The following SLC26A7 variants were observed in gnomAD, a reference collection of about 807,000 sequenced individuals.
SLC26A7 encodes anion exchange transporter.
A neutral mutation model predicts 82.5 loss-of-function variants in SLC26A7; 59 were observed. The ratio of observed to expected loss-of-function variants is 0.72; its 90% CI spans 0.58 to 0.89. The LOEUF (loss-of-function observed/expected upper bound fraction) is 0.89, where lower values mean the gene tolerates loss of function less well. SLC26A7 is among the 40% of genes least tolerant of loss of function. SLC26A7 has a pLI of 0.00. For synonymous variants in SLC26A7, 271 were observed against 274.3 expected (o/e 0.99, Z 0.12); for missense variants, 820 against 793.0 (o/e 1.03, Z -0.41).
intron 2 of SLC26A7, among the ~76,000 whole-genome samples, chr8:91,219,465 C>T (rs1810122720): frequency 6.6e-6 from 1 of 152,064 alleles, no homozygotes; most frequent in African/African-American, 2.4e-5. Flanking sequence ...GAGTAGAAGC[C>T]TGGAAACTCA....
intron 11 of SLC26A7, among the ~76,000 whole-genome samples, chr8:91,355,981 GA>G (rs1430240300): frequency 6.6e-6 from 1 of 151,896 alleles, no homozygotes; most frequent in African/African-American, 2.4e-5. Context: ...TACAGTGTTT[GA>G]TTTTTTTGTC....
At chr8:91,357,056 G>A (rs1364780153) in intron 11 of SLC26A7, among the ~76,000 whole-genome samples, 1 of 152,108 alleles carries the variant, frequency 6.6e-6, no homozygotes, top group Non-Finnish European at 1.5e-5. Flanking sequence ...TTACTTAGGA[G>A]GTCAGATTGT....
chr8:91,358,203 A>G (rs1813929875), intron 11 of SLC26A7, among the ~76,000 whole-genome samples: 1 of 152,158 alleles, frequency 6.6e-6, no homozygotes, highest in African/African-American at 2.4e-5. Flanking sequence ...ACCGTGTGGC[A>G]ATTCTTCAGG....
intron 2 of SLC26A7, among the ~76,000 whole-genome samples, chr8:91,235,370 C>T (rs1000752072): frequency 2.0e-5 from 3 of 152,022 alleles, no homozygotes; most frequent in South Asian, 4.2e-4. Context: ...CATTCTCACT[C>T]ATATTTAGGA....
chr8:91,346,375 G>A lies in SLC26A7; in HGVS notation c.1140+2909G>A, dbSNP rs184301434. 7.9e-5 allele frequency among the ~76,000 whole-genome samples: 12 copies of A among 152,220 alleles called. No individual in the cohort carries two copies. In the East Asian group the frequency reaches 2.1e-3, roughly 27 times the overall value. Reference sequence around the variant, plus strand: ...TCCGAGGAAGCACTATGTAAGCCAAGCCTTAAAAGTTTTGTTCTAAATAGG... The same window carrying A: ...TCCGAGGAAGCACTATGTAAGCCAAACCTTAAAAGTTTTGTTCTAAATAGG... On this transcript the variant is annotated intron_variant, in intron 9 of 18. Coordinates refer to ENST00000276609, the MANE Select transcript of SLC26A7 (RefSeq NM_052832.4).
At chr8:91,333,017 A>G (rs1346891992) in intron 5 of SLC26A7, among the ~76,000 whole-genome samples, 1 of 152,142 alleles carries the variant, frequency 6.6e-6, no homozygotes, top group African/African-American at 2.4e-5. Flanking sequence ...TCCTTATATC[A>G]AACATTCATG....
intron 11 of SLC26A7, 141 bp from the exon 12 acceptor site, chr8:91,362,212 T>G: frequency 1.7e-6 from 1 of 577,798 alleles, no homozygotes; most frequent in Non-Finnish European, 3.0e-6. Flanking sequence ...GAGCTTCTGT[T>G]TACCACTTGT....
At position 91,332,770 on chromosome 8, in the gene SLC26A7, G is replaced by C. The variant is rs150325347; in HGVS notation, c.643-1525G>C. Among the ~76,000 whole-genome samples the C allele has an allele frequency of 2.4e-3, 362 of 151,758 alleles. 5 individuals carry two copies. Among genetic ancestry groups the C allele is most frequent in the African/African-American group, 8.0e-3 (332 of 41,394 alleles). ...TGGTTTCAAACTGCTGGCTTCAAGC[G>C]ATCCTTCTGCCTCAGCTTCCCACAG... is the stretch of plus-strand genomic sequence containing the variant. On this transcript the variant is annotated intron_variant, in intron 5 of 18. Coordinates refer to ENST00000276609, the MANE Select transcript of SLC26A7 (RefSeq NM_052832.4).
At chr8:91,329,071 T>C (rs1469810265) in intron 5 of SLC26A7, among the ~76,000 whole-genome samples, 2 of 152,168 alleles carry the variant, frequency 1.3e-5, no homozygotes, top group African/African-American at 4.8e-5. Flanking sequence ...TTATCTTTGC[T>C]TCTCTGAGAT....
chr8:91,334,322 A>G lies in SLC26A7; in HGVS notation c.670A>G (p.Lys224Glu), dbSNP rs920394221. Residue 224 changes from lysine (K) to glutamate (E), a missense_variant, in exon 6 of 19, where the codon AAG becomes GAG. By Grantham distance (56) the Lys-to-Glu change is moderately conservative. Transcript: ENST00000276609. ...YIYAYVFENI[K>E]SVRLEALLLS... ...TTATGCATATGTTTTTGAAAACATC[A>G]AGTCTGTGCGACTGGAAGCATTGCT... The G allele has an allele frequency of 1.2e-6, 2 of 1,612,260 alleles. No homozygotes were observed. The highest frequency in any genetic ancestry group is 1.7e-6 in the Non-Finnish European group (2 of 1,179,188).
Position 91,277,600 on chromosome 8 carries a change from T to C in SLC26A7, c.194-11536T>C, listed in dbSNP as rs112794068. 1.4e-3 allele frequency among the ~76,000 whole-genome samples: 207 copies of C among 152,300 alleles called. 2 individuals are homozygous for C. Among genetic ancestry groups the C allele is most frequent in the African/African-American group, 4.9e-3 (204 of 41,576 alleles). ...AATACTGACATTGATGGACATAAAA[T>C]AGAACTCATAATATGGCCCTATAAC... On this transcript the variant is annotated intron_variant, in intron 2 of 18. Transcript: ENST00000276609.
intron 2 of SLC26A7, among the ~76,000 whole-genome samples, chr8:91,231,245 T>C (rs139211467): frequency 6.6e-6 from 1 of 152,366 alleles, no homozygotes; most frequent in East Asian, 1.9e-4. Context: ...TGGATTCTGA[T>C]GAGGAATGAA....
At chr8:91,276,888 C>T (rs1376222370) in intron 2 of SLC26A7, among the ~76,000 whole-genome samples, 2 of 152,160 alleles carry the variant, frequency 1.3e-5, no homozygotes, top group African/African-American at 4.8e-5. Flanking sequence ...ACTTTCTCTT[C>T]CTAACCTGGG....
At chr8:91,257,384 T>A (rs925977027) in intron 2 of SLC26A7, among the ~76,000 whole-genome samples, 2 of 152,116 alleles carry the variant, frequency 1.3e-5, no homozygotes, top group African/African-American at 4.8e-5. Context: ...TTGTCTCAGC[T>A]CTGTTTCCTC....
At chr8:91,394,160 C>T in intron 18 of SLC26A7, 121 bp downstream of exon 18, 2 of 1,601,892 alleles carry the variant, frequency 1.2e-6, no homozygotes, top group African/African-American at 1.3e-5. Flanking sequence ...AGCCCCCCAC[C>T]CCACCCCACC....
At chr8:91,299,797 C>A (rs1812112875) in intron 4 of SLC26A7, among the ~76,000 whole-genome samples, 2 of 151,894 alleles carry the variant, frequency 1.3e-5, no homozygotes, top group South Asian at 4.2e-4. Context: ...AATTTCAGCA[C>A]CAACTTGCAT....
intron 2 of SLC26A7, among the ~76,000 whole-genome samples, chr8:91,236,835 A>G (rs1396616785): frequency 1.3e-5 from 2 of 152,340 alleles, no homozygotes; most frequent in East Asian, 3.9e-4. Flanking sequence ...TAAAATTTAT[A>G]TATGTGCAGA....
chr8:91,238,916 A>T (rs928423564), intron 2 of SLC26A7, among the ~76,000 whole-genome samples: 1 of 152,246 alleles, frequency 6.6e-6, no homozygotes, highest in Non-Finnish European at 1.5e-5. Flanking sequence ...TAGAGAGACC[A>T]TAAAAACAAT....
At chr8:91,234,831 CCT>C (rs1563637523) in intron 2 of SLC26A7, among the ~76,000 whole-genome samples, 81 of 100,484 alleles carry the variant, frequency 8.1e-4, no homozygotes, top group South Asian at 1.8e-3. Flanking sequence ...CTACCTACTT[CCT>C]TCCTTCCTTC....
Sources: allele counts gnomAD v4.1 joint callset (sites outside exome capture counted in the v4.1 genomes callset), GRCh38; gene constraint gnomAD v4.1.1; transcripts MANE v1.5; gene names NCBI Gene and HGNC (gene_info 2026-07-23, HGNC 2026-07-21).